Variants in PSD3 observed in about 807,000 individuals in gnomAD.
PSD3 encodes pleckstrin and Sec7 domain containing 3.
A neutral mutation model predicts 105.5 loss-of-function variants in PSD3; 49 were observed. The ratio of observed to expected loss-of-function variants is 0.46; its 90% confidence interval spans 0.37 to 0.59. The LOEUF (loss-of-function observed/expected upper bound fraction) is 0.59, where lower values mean the gene tolerates loss of function less well. Among genes scored for constraint, PSD3 ranks in the 20% least tolerant of loss-of-function variants. The probability of loss-of-function intolerance (pLI) is 0.00; values close to 1 mark genes in which losing one functional copy is unlikely to be tolerated. For synonymous variants in PSD3, 557 were observed against 457.8 expected, an observed-to-expected ratio of 1.22 and a Z score of -2.77; for missense variants, 1,561 against 1,263.8, an observed-to-expected ratio of 1.24 and a Z score of -3.57.
At chr8:18,685,706 C>G (rs1332389751) in intron 9 of PSD3, among the ~76,000 whole-genome samples, 2 of 152,018 alleles carry the variant, frequency 1.3e-5, no homozygotes, top group Non-Finnish European at 2.9e-5. Context: ...AAGTGGTGTA[C>G]TATAGCAGTA....
chr8:18,590,026 A>G (rs1803477765), intron 12 of PSD3, among the ~76,000 whole-genome samples: 1 of 152,198 alleles, frequency 6.6e-6, no homozygotes, highest in South Asian at 2.1e-4. Context: ...TTTGTAAAAA[A>G]ACAAAAACAA....
chr8:18,883,188 C>G (rs1312539051), intron 2 of PSD3, among the ~76,000 whole-genome samples: 1 of 152,254 alleles, frequency 6.6e-6, no homozygotes, highest in African/African-American at 2.4e-5. Flanking sequence ...CTCCAGAAAA[C>G]TACAACAATA....
intron 10 of PSD3, among the ~76,000 whole-genome samples, chr8:18,636,590 C>A (rs1193974438): frequency 6.6e-6 from 1 of 152,084 alleles, no homozygotes; most frequent in Non-Finnish European, 1.5e-5. Flanking sequence ...AGTCACTGAC[C>A]CACCCAGAGC....
At position 18,802,995 on chromosome 8, in the gene PSD3, G is replaced by C. The variant is rs1810840953; in HGVS notation, c.1910+1527C>G. Among the ~76,000 whole-genome samples, 3 of 152,244 alleles carry C rather than the reference G, an allele frequency of 2.0e-5. No homozygotes were observed. In the South Asian group the frequency reaches 6.2e-4, roughly 32 times the overall value. ...TTAATTCCAAAGTATCACCTTAAAA[G>C]GCTATTGGGGCTAGGTGCGGTGGCT... is the stretch of plus-strand genomic sequence containing the variant. On this transcript the variant is annotated intron_variant, in intron 6 of 15. Coordinates refer to ENST00000327040, the MANE Select transcript of PSD3 (RefSeq NM_015310.4).
At chr8:18,539,043 C>T (rs1459421851) in intron 15 of PSD3, among the ~76,000 whole-genome samples, 1 of 152,186 alleles carries the variant, frequency 6.6e-6, no homozygotes, top group African/African-American at 2.4e-5. Flanking sequence ...GGTTACAAAA[C>T]CCAGAAATGT....
chr8:18,978,280 ACT>A (rs1825057481), intron 1 of PSD3, among the ~76,000 whole-genome samples: 1 of 152,186 alleles, frequency 6.6e-6, no homozygotes, highest in Non-Finnish European at 1.5e-5. Flanking sequence ...TCCATAACGG[ACT>A]CTGAGTGAAC....
intron 11 of PSD3, among the ~76,000 whole-genome samples, chr8:18,619,443 G>C (rs965585535): frequency 1.3e-5 from 2 of 152,118 alleles, no homozygotes; most frequent in Non-Finnish European, 1.5e-5. Context: ...TAAGGAGTTT[G>C]AGACCAGCCT....
chr8:18,914,593 C>G (rs1279267692), intron 2 of PSD3, among the ~76,000 whole-genome samples: 1 of 151,962 alleles, frequency 6.6e-6, no homozygotes, highest in Non-Finnish European at 1.5e-5. Context: ...AAAAAGATAT[C>G]AAAAAATAAT....
chr8:18,684,514 G>A (rs556130067), intron 9 of PSD3, among the ~76,000 whole-genome samples: 2 of 152,256 alleles, frequency 1.3e-5, no homozygotes, highest in South Asian at 2.1e-4. Flanking sequence ...CTAGTGAAAC[G>A]ATGCGAGACA....
At chr8:18,740,796 C>A (rs1407090251) in intron 9 of PSD3, among the ~76,000 whole-genome samples, 1 of 152,166 alleles carries the variant, frequency 6.6e-6, no homozygotes, top group African/African-American at 2.4e-5. Flanking sequence ...GACTTTGTCT[C>A]CTAGTCCTCC....
At chr8:18,543,924 T>C (rs1348004395) in intron 15 of PSD3, among the ~76,000 whole-genome samples, 1 of 152,072 alleles carries the variant, frequency 6.6e-6, no homozygotes, top group East Asian at 1.9e-4. Context: ...GATACATGAA[T>C]ACGATAGTAA....
At chr8:18,590,736 A>G (rs1436404239) in intron 12 of PSD3, among the ~76,000 whole-genome samples, 1 of 152,164 alleles carries the variant, frequency 6.6e-6, no homozygotes, top group African/African-American at 2.4e-5. Flanking sequence ...AATTATGATA[A>G]ATCTATTTAA....
chr8:18,814,900 C>G (rs758348577), intron 4 of PSD3, among the ~76,000 whole-genome samples: 22 of 152,138 alleles, frequency 1.4e-4, no homozygotes, highest in Admixed American at 3.9e-4. Context: ...AGCTGGGCAG[C>G]AAAAGGCGGC....
chr8:19,042,522 G>T (rs1299982563), intron 1 of PSD3, among the ~76,000 whole-genome samples: 1 of 152,188 alleles, frequency 6.6e-6, no homozygotes, highest in Non-Finnish European at 1.5e-5. Flanking sequence ...GCAAAGTAGG[G>T]TTTTTGTGTT....
At chr8:18,660,323 AC>A (rs1300067384) in intron 9 of PSD3, among the ~76,000 whole-genome samples, 7 of 151,980 alleles carry the variant, frequency 4.6e-5, no homozygotes, top group African/African-American at 1.7e-4. Context: ...TTTCCCCTGA[AC>A]CCTCCAGAGG....
At chr8:18,806,639 C>A (rs1224906989) in intron 4 of PSD3, among the ~76,000 whole-genome samples, 1 of 152,060 alleles carries the variant, frequency 6.6e-6, no homozygotes, top group Non-Finnish European at 1.5e-5. Context: ...TGGCCCCTGT[C>A]ACACATGCTG....
At chr8:18,758,742 T>G (rs753760875) in intron 9 of PSD3, among the ~76,000 whole-genome samples, 15 of 152,154 alleles carry the variant, frequency 9.9e-5, no homozygotes, top group Admixed American at 9.2e-4. Flanking sequence ...TCCATCATTT[T>G]CACAAATTAT....
intron 8 of PSD3, among the ~76,000 whole-genome samples, chr8:18,767,524 G>C (rs1050394619): frequency 6.6e-6 from 1 of 152,150 alleles, no homozygotes; most frequent in Non-Finnish European, 1.5e-5. Flanking sequence ...GAGGCAGGTA[G>C]ATAACGAGGT....
intron 4 of PSD3, among the ~76,000 whole-genome samples, chr8:18,825,126 C>T (rs1813073783): frequency 6.6e-6 from 1 of 152,168 alleles, no homozygotes; most frequent in African/African-American, 2.4e-5. Context: ...GTCCCTGAAA[C>T]TTATGTGTGT....
Sources: gnomAD v4.1 joint callset for allele counts (sites outside exome capture counted in the v4.1 genomes callset) on GRCh38, gnomAD v4.1.1 for gene constraint, MANE v1.5 for transcripts, NCBI Gene and HGNC (gene_info 2026-07-23, HGNC 2026-07-21) for gene names.